The following ITPK1 variants were observed in gnomAD, a reference collection of about 807,000 sequenced individuals.
ITPK1 encodes inositol-tetrakisphosphate 1-kinase, also known as inositol 1,3,4-trisphosphate 5/6-kinase.
In ITPK1, 21 loss-of-function variants were observed where a neutral mutation model predicts 45.3. The observed-to-expected ratio is 0.46, with a 90% CI of 0.33 to 0.67. ITPK1 has a LOEUF of 0.67. Among genes scored for constraint, ITPK1 ranks in the 30% least tolerant of loss-of-function variants. The pLI is 0.02. For synonymous variants in ITPK1, 258 were observed against 253.6 expected, an observed-to-expected ratio of 1.02 and a Z score of -0.16; for missense variants, 474 against 573.5, an observed-to-expected ratio of 0.83 and a Z score of 1.77.
At chr14:92,953,394 G>A (rs1426327651) in intron 8 of ITPK1, among the ~76,000 whole-genome samples, 1 of 152,218 alleles carries the variant, frequency 6.6e-6, no homozygotes, top group Non-Finnish European at 1.5e-5. Context: ...ACACCCCGCA[G>A]GACATGTGTC....
At chr14:93,095,745 CT>C (rs1361099626) in intron 2 of ITPK1, among the ~76,000 whole-genome samples, 3 of 151,934 alleles carry the variant, frequency 2.0e-5, no homozygotes. Context: ...TTGCCCCCCT[CT>C]CCCATTTCCC....
At chr14:92,970,404 A>G (rs764899481) in intron 5 of ITPK1, among the ~76,000 whole-genome samples, 1 of 152,192 alleles carries the variant, frequency 6.6e-6, no homozygotes, top group African/African-American at 2.4e-5. Context: ...GCAGGTGTCA[A>G]ACAGTGGTTA....
rs1431353124 is a variant in ITPK1, at chr14:92,942,005, G to A, written c.902-101C>T. ...AGAACCGATGGGCTCCTGGGATGAG[G>A]CAGGGTGTGCTGTCAGCGTCCCATT... On this transcript the variant is annotated intron_variant, in intron 10 of 10. Transcript: ENST00000267615. The A allele has an allele frequency of 7.0e-6, 7 of 996,594 alleles. No individual in the cohort carries two copies. In the East Asian group the frequency reaches 1.6e-4, roughly 22 times the overall value. 61.7% of individuals were successfully genotyped at this position (996,594 alleles called of 1,614,324 possible). A position where few individuals can be genotyped will look rare whatever the true frequency, so the allele number is the denominator to read the frequency against.
Position 92,941,274 on chromosome 14 carries a change from T to A in ITPK1, c.*287A>T. The A allele has an allele frequency of 2.9e-6, 4 of 1,381,174 alleles. No individual in the cohort carries two copies. The highest frequency in any genetic ancestry group is 3.7e-6 in the Non-Finnish European group (4 of 1,071,232). 85.6% of individuals were successfully genotyped at this position (1,381,174 alleles called of 1,614,324 possible). On this transcript the variant is annotated 3_prime_UTR_variant, in exon 11 of 11. Coordinates refer to ENST00000267615, the MANE Select transcript of ITPK1 (RefSeq NM_014216.6). Reference sequence around the variant, plus strand: ...CCATACGCACACCCCTCACCTCCCATCCAGACCTAGTGTTGCAAACACAAG... The same window carrying A: ...CCATACGCACACCCCTCACCTCCCAACCAGACCTAGTGTTGCAAACACAAG...
chr14:93,055,133 T>C (rs1421698695), intron 3 of ITPK1, among the ~76,000 whole-genome samples: 1 of 152,148 alleles, frequency 6.6e-6, no homozygotes, highest in East Asian at 1.9e-4. Flanking sequence ...TCATCCATGG[T>C]TCATTCTCAC....
At chr14:92,946,542 G>GCCACA in intron 9 of ITPK1, 49 bp from the exon 10 acceptor site, 2 of 1,577,854 alleles carry the variant, frequency 1.3e-6, no homozygotes, top group Non-Finnish European at 1.7e-6. Context: ...GAGCTGCGAA[G>GCCACA]CCACACCACA....
intron 5 of ITPK1, among the ~76,000 whole-genome samples, chr14:92,988,975 G>T (rs1366040803): frequency 2.0e-5 from 3 of 151,970 alleles, no homozygotes; most frequent in Admixed American, 6.5e-5. Context: ...GGTGGCAATG[G>T]GCAGGGTCTG....
chr14:93,004,371 G>A (rs1566728742), intron 4 of ITPK1, among the ~76,000 whole-genome samples: 1 of 152,180 alleles, frequency 6.6e-6, no homozygotes, highest in Non-Finnish European at 1.5e-5. Context: ...TTTCTAAAAC[G>A]GCTCCTTGGG....
chr14:92,941,910 G>T lies in ITPK1; in HGVS notation c.902-6C>A, dbSNP rs1021173436. The T allele has an allele frequency of 1.2e-5, 19 of 1,610,164 alleles. No homozygotes were observed. Among genetic ancestry groups the T allele is most frequent in the African/African-American group, 4.0e-5 (3 of 74,848 alleles). ...CTCGCTCACGCCCTCGTAGCCTGGG[G>T]GTGGGAGAGAGACAGCACAAGGGGC... is the stretch of plus-strand genomic sequence containing the variant. On this transcript the variant is annotated splice_polypyrimidine_tract_variant and splice_region_variant and intron_variant, in intron 10 of 10. Transcript: ENST00000267615.
intron 2 of ITPK1, among the ~76,000 whole-genome samples, chr14:93,103,450 C>T (rs993984107): frequency 2.0e-5 from 3 of 151,944 alleles, no homozygotes; most frequent in South Asian, 2.1e-4. Context: ...AAGAAACTCA[C>T]GAGCCCAGGA....
intron 5 of ITPK1, among the ~76,000 whole-genome samples, chr14:92,984,048 T>C (rs59073674): frequency 0.016 from 2,387 of 152,298 alleles, 74 homozygotes; most frequent in African/African-American, 0.055. Flanking sequence ...AATGTACACA[T>C]TGCACTAGAG....
At chr14:92,970,350 G>C (rs892595683) in intron 5 of ITPK1, among the ~76,000 whole-genome samples, 18 of 152,188 alleles carry the variant, frequency 1.2e-4, no homozygotes, top group Non-Finnish European at 2.4e-4. Context: ...TGGGAGGCCT[G>C]GCACACGACA....
At chr14:93,059,767 T>G (rs1595178076) in intron 3 of ITPK1, among the ~76,000 whole-genome samples, 3 of 25,900 alleles carry the variant, frequency 1.2e-4, no homozygotes, top group African/African-American at 1.6e-4. Context: ...GAGGCAGGGG[T>G]GGAGGGGGTG....
intron 2 of ITPK1, among the ~76,000 whole-genome samples, chr14:93,077,881 G>C (rs1337661873): frequency 6.6e-6 from 1 of 152,204 alleles, no homozygotes; most frequent in Non-Finnish European, 1.5e-5. Flanking sequence ...AGGGACCGAG[G>C]CACCCAAGAC....
Position 92,985,336 on chromosome 14 carries a change from G to A in ITPK1, c.364+8544C>T, listed in dbSNP as rs185582516. The stretch of plus-strand genomic sequence containing the variant: ...TTTCAATTATTGAATAGTTATCAAT[G>A]TGAACTTCCTGGTTTAGATAATTAT... On this transcript the variant is annotated intron_variant, in intron 5 of 10. Coordinates refer to ENST00000267615, the MANE Select transcript of ITPK1 (RefSeq NM_014216.6). Among the ~76,000 whole-genome samples, 6 of 152,238 alleles carry A rather than the reference G, an allele frequency of 3.9e-5. No individual in the cohort carries two copies. In the East Asian group the frequency reaches 1.2e-3, roughly 29 times the overall value.
chr14:93,018,206 C>T (rs1327848403), intron 3 of ITPK1, among the ~76,000 whole-genome samples: 2 of 152,184 alleles, frequency 1.3e-5, no homozygotes, highest in East Asian at 1.9e-4. Context: ...CACGCCCCCA[C>T]CCCCTGCCAT....
intron 3 of ITPK1, among the ~76,000 whole-genome samples, chr14:93,031,604 G>T (rs1007524414): frequency 7.2e-5 from 11 of 152,108 alleles, no homozygotes; most frequent in African/African-American, 2.7e-4. Flanking sequence ...TTGTCTGGAA[G>T]CTGGGGGCCT....
chr14:92,984,937 A>G lies in ITPK1; in HGVS notation c.364+8943T>C, dbSNP rs115423669. 6.2e-3 allele frequency among the ~76,000 whole-genome samples: 944 copies of G among 152,374 alleles called. 12 individuals carry two copies. The highest frequency in any genetic ancestry group is 0.021 in the African/African-American group (893 of 41,584). On this transcript the variant is annotated intron_variant, in intron 5 of 10. Coordinates refer to ENST00000267615, the MANE Select transcript of ITPK1 (RefSeq NM_014216.6). Reference sequence around the variant, plus strand: ...GAATCCTCTTAGAAGGTTCTTGCCAACTACAAAGGAAAAAATAGAAATTTA... The same window carrying G: ...GAATCCTCTTAGAAGGTTCTTGCCAGCTACAAAGGAAAAAATAGAAATTTA...
chr14:93,073,509 A>C (rs1891104079), intron 3 of ITPK1, among the ~76,000 whole-genome samples: 1 of 152,214 alleles, frequency 6.6e-6, no homozygotes, highest in Non-Finnish European at 1.5e-5. Flanking sequence ...CCTCAATAAA[A>C]GGACTGTTAC....
Sources: gnomAD v4.1 joint callset for allele counts (sites outside exome capture counted in the v4.1 genomes callset) on GRCh38, gnomAD v4.1.1 for gene constraint, MANE v1.5 for transcripts, NCBI Gene and HGNC (gene_info 2026-07-23, HGNC 2026-07-21) for gene names.